Variants in LMO7 observed in about 807,000 individuals in gnomAD.
LMO7 encodes the protein LIM domain 7.
LMO7 carries 120 observed loss-of-function variants against 206.5 expected under a neutral mutation model. The ratio of observed to expected loss-of-function variants is 0.58; its 90% CI spans 0.50 to 0.68. The LOEUF is 0.68. Ranked by LOEUF, LMO7 falls within the 30% of genes least tolerant of loss-of-function variation. The pLI, the probability that LMO7 is intolerant of heterozygous loss-of-function variation, is 0.00. For missense variants in LMO7, 1,959 were observed against 1,957.9 expected (o/e 1.00, Z -0.01); for synonymous variants, 706 against 681.5 (o/e 1.04, Z -0.56).
intron 26 of LMO7, among the ~76,000 whole-genome samples, chr13:75,845,657 A>G (rs906665152): frequency 2.6e-5 from 4 of 152,368 alleles, no homozygotes; most frequent in South Asian, 2.1e-4. Flanking sequence ...GCAGCTATGT[A>G]TAGTAGATTT....
intron 3 of LMO7, among the ~76,000 whole-genome samples, chr13:75,743,003 C>A (rs897908426): frequency 1.3e-5 from 2 of 152,000 alleles, no homozygotes; most frequent in Admixed American, 6.6e-5. Context: ...TCAGCATCCA[C>A]AGCAACTTAA....
At chr13:75,791,197 G>T (rs144051288) in intron 4 of LMO7, among the ~76,000 whole-genome samples, 42 of 152,196 alleles carry the variant, frequency 2.8e-4, no homozygotes, top group African/African-American at 1.0e-3. Flanking sequence ...TTTGTATTCA[G>T]TCCTTTGAAG....
intron 4 of LMO7, among the ~76,000 whole-genome samples, chr13:75,761,605 G>A (rs535156507): frequency 2.0e-5 from 3 of 152,116 alleles, no homozygotes; most frequent in African/African-American, 7.2e-5. Context: ...GAAAGTGGGG[G>A]TGAGAACACG....
intron 2 of LMO7, among the ~76,000 whole-genome samples, chr13:75,724,544 A>T (rs1444628940): frequency 6.6e-6 from 1 of 152,188 alleles, no homozygotes; most frequent in Non-Finnish European, 1.5e-5. Context: ...ATTGCTTATT[A>T]TGCAAAGAAG....
chr13:75,857,696 T>C (rs1357818019), intron 30 of LMO7: 3 of 375,040 alleles, frequency 8.0e-6, no homozygotes, highest in African/African-American at 6.2e-5. Flanking sequence ...TTGAGTGTAA[T>C]TTATTTCTAT....
chr13:75,661,398 G>A (rs2038587625), intron 1 of LMO7, among the ~76,000 whole-genome samples: 2 of 152,324 alleles, frequency 1.3e-5, no homozygotes, highest in Non-Finnish European at 2.9e-5. Context: ...ATGTGACCAT[G>A]AGCAAGTTAC....
chr13:75,801,553 C>T (rs956864920), intron 7 of LMO7, among the ~76,000 whole-genome samples: 4 of 152,156 alleles, frequency 2.6e-5, no homozygotes, highest in African/African-American at 9.7e-5. Context: ...TTTCAAAATC[C>T]CAAGCTTATG....
intron 3 of LMO7, among the ~76,000 whole-genome samples, chr13:75,745,399 A>T (rs1359258129): frequency 1.3e-5 from 2 of 152,222 alleles, no homozygotes; most frequent in Non-Finnish European, 2.9e-5. Flanking sequence ...TGGGTGAATT[A>T]TATGGTATGT....
chr13:75,635,117 A>G (rs2035612866), upstream of LMO7, among the ~76,000 whole-genome samples: 1 of 152,226 alleles, frequency 6.6e-6, no homozygotes, highest in African/African-American at 2.4e-5. Flanking sequence ...ACATAAGGCA[A>G]AAGGCAAACA....
intron 1 of LMO7, among the ~76,000 whole-genome samples, chr13:75,690,405 G>C (rs1224339539): frequency 6.6e-6 from 1 of 152,042 alleles, no homozygotes; most frequent in Non-Finnish European, 1.5e-5. Context: ...GCTCTTATTT[G>C]GTGTTTTGTC....
At chr13:75,720,387 T>C (rs1292755207) in intron 2 of LMO7, among the ~76,000 whole-genome samples, 2 of 152,226 alleles carry the variant, frequency 1.3e-5, no homozygotes, top group Non-Finnish European at 2.9e-5. Flanking sequence ...TTTTTGTGTC[T>C]TGTCTAAAAA....
chr13:75,654,876 C>CTTTTT (rs60476451), intron 1 of LMO7, among the ~76,000 whole-genome samples: 8 of 141,144 alleles, frequency 5.7e-5, no homozygotes, highest in African/African-American at 1.3e-4. Flanking sequence ...TCTCTTCTCT[C>CTTTTT]TTTTTTTTTT....
chr13:75,723,535 T>G (rs1318998835), intron 2 of LMO7, among the ~76,000 whole-genome samples: 1 of 152,346 alleles, frequency 6.6e-6, no homozygotes, highest in East Asian at 1.9e-4. Context: ...CATTTAGAAC[T>G]AGCTTCTGGA....
In LMO7 at chr13:75,824,995, G is replaced by A. The variant is rs182828870; in HGVS notation, c.2949+1122G>A. On this transcript the variant is annotated intron_variant, in intron 15 of 30. Coordinates refer to ENST00000377534, the MANE Select transcript of LMO7 (RefSeq NM_001306080.2). ...AGGTACTATGTGCTTGAGAAAATTT[G>A]GAAATGCAGGAAAGTATAAATAATT... Among the ~76,000 whole-genome samples the A allele has an allele frequency of 1.9e-3, 290 of 152,072 alleles. 1 individual carries two copies. The highest frequency in any genetic ancestry group is 6.8e-3 in the Middle Eastern group (2 of 294).
In LMO7 at chr13:75,823,844, TCC is replaced by T; in HGVS notation, c.2923_2924del (p.Pro975ThrfsTer13). 1 of 1,613,950 alleles carries T rather than the reference TCC, an allele frequency of 6.2e-7. No homozygotes were observed. Among genetic ancestry groups the T allele is most frequent in the Non-Finnish European group, 8.5e-7 (1 of 1,179,900 alleles). On this transcript the variant is annotated frameshift_variant, in exon 15 of 31. Coordinates refer to ENST00000377534, the MANE Select transcript of LMO7 (RefSeq NM_001306080.2). LOFTEE classifies it high-confidence loss of function. ...LMSESGEGEI[S>X]PQREVSRSQD... ...GTCTGAATCTGGAGAAGGGGAAATC[TCC>T]CCACAAAGAGAAGTCTCAAGATCCC... is the stretch of plus-strand genomic sequence containing the variant.
chr13:75,759,901 C>T (rs1448455659), intron 3 of LMO7, among the ~76,000 whole-genome samples: 1 of 152,096 alleles, frequency 6.6e-6, no homozygotes, highest in African/African-American at 2.4e-5. Flanking sequence ...CAAGGAGGCT[C>T]ACGCCATAGA....
intron 3 of LMO7, among the ~76,000 whole-genome samples, chr13:75,729,168 T>G (rs868797067): frequency 8.0e-5 from 12 of 149,074 alleles, no homozygotes; most frequent in East Asian, 7.9e-4. Context: ...GTGAAGAAAG[T>G]CATTGGTAGC....
At chr13:75,839,990 A>G (rs1368678500) in intron 20 of LMO7, 95 bp from the exon 21 acceptor site, 1 of 1,163,766 alleles carries the variant, frequency 8.6e-7, no homozygotes, top group South Asian at 1.3e-5. Flanking sequence ...TGGCATAGAG[A>G]CAGCTAATGA....
At chr13:75,679,962 A>G (rs1180690350) in intron 1 of LMO7, among the ~76,000 whole-genome samples, 3 of 152,182 alleles carry the variant, frequency 2.0e-5, no homozygotes. Context: ...GGTTTGTTAC[A>G]TAGGTAAACG....
Sources: gnomAD v4.1 joint callset for allele counts (sites outside exome capture counted in the v4.1 genomes callset) on GRCh38, gnomAD v4.1.1 for gene constraint, MANE v1.5 for transcripts, NCBI Gene and HGNC (gene_info 2026-07-23, HGNC 2026-07-21) for gene names.